Variants in SLC39A11 observed in about 807,000 individuals in gnomAD.
SLC39A11 encodes solute carrier family 39 member 11, also known as zinc transporter ZIP11.
A neutral mutation model predicts 36.1 loss-of-function variants in SLC39A11; 33 were observed. The ratio of observed to expected loss-of-function variants is 0.91; its 90% CI spans 0.69 to 1.22. SLC39A11 has a LOEUF of 1.22. Ranked by LOEUF, SLC39A11 falls within the 50% of genes most tolerant of loss-of-function variation. SLC39A11 has a pLI of 0.00. For missense variants in SLC39A11, 432 were observed against 430.3 expected, an observed-to-expected ratio of 1.00 and a Z score of -0.03; for synonymous variants, 166 against 170.3, an observed-to-expected ratio of 0.97 and a Z score of 0.20.
At chr17:72,699,276 TA>T (rs949964164) in intron 7 of SLC39A11, among the ~76,000 whole-genome samples, 1 of 152,190 alleles carries the variant, frequency 6.6e-6, no homozygotes, top group African/African-American at 2.4e-5. Flanking sequence ...TGAGCTAAAA[TA>T]AAAAAATTTT....
At chr17:73,053,817 A>G (rs946737674) in intron 3 of SLC39A11, among the ~76,000 whole-genome samples, 1 of 152,236 alleles carries the variant, frequency 6.6e-6, no homozygotes, top group Non-Finnish European at 1.5e-5. Flanking sequence ...GCATGACTGC[A>G]TCCTGAGATG....
chr17:72,857,803 T>G (rs1262689070), intron 5 of SLC39A11, among the ~76,000 whole-genome samples: 1 of 152,172 alleles, frequency 6.6e-6, no homozygotes, highest in Non-Finnish European at 1.5e-5. Flanking sequence ...AGTGTTCGTG[T>G]CCTCTGCTCA....
At chr17:72,857,904 A>G (rs1423233599) in intron 5 of SLC39A11, among the ~76,000 whole-genome samples, 2 of 151,816 alleles carry the variant, frequency 1.3e-5, no homozygotes, top group Admixed American at 6.6e-5. Flanking sequence ...GTTTGCAAAA[A>G]TTTTCTCCCA....
chr17:73,077,570 C>T (rs1599172677), intron 3 of SLC39A11, among the ~76,000 whole-genome samples: 4 of 152,164 alleles, frequency 2.6e-5, no homozygotes, highest in Admixed American at 1.3e-4. Flanking sequence ...TCAAGTGATC[C>T]GCCTGCCTCC....
intron 5 of SLC39A11, among the ~76,000 whole-genome samples, chr17:72,900,033 AGAAAGAGAGAGAGAAAG>A (rs1432831125): frequency 3.4e-5 from 5 of 146,254 alleles, no homozygotes; most frequent in African/African-American, 1.3e-4. Context: ...AGAGAGAGAG[AGAAAGAGAGAGAGAAAG>A]AGAAAGAAAG....
intron 6 of SLC39A11, among the ~76,000 whole-genome samples, chr17:72,768,535 A>C (rs553147705): frequency 6.6e-5 from 10 of 152,196 alleles, no homozygotes; most frequent in Admixed American, 1.3e-4. Context: ...CAACCATCCC[A>C]TGAGGGGCTG....
intron 4 of SLC39A11, among the ~76,000 whole-genome samples, chr17:72,968,716 CT>C (rs977623413): frequency 1.3e-4 from 20 of 152,166 alleles, no homozygotes; most frequent in African/African-American, 4.8e-4. Flanking sequence ...GTGTTGACTC[CT>C]GTGTAAGAAA....
At chr17:72,915,926 T>C (rs1414987071) in intron 5 of SLC39A11, among the ~76,000 whole-genome samples, 15 of 152,182 alleles carry the variant, frequency 9.9e-5, no homozygotes. Flanking sequence ...CACACAACCA[T>C]ATGCCAAAGT....
chr17:73,077,061 C>T (rs1000438967), intron 3 of SLC39A11, among the ~76,000 whole-genome samples: 1 of 152,044 alleles, frequency 6.6e-6, no homozygotes, highest in African/African-American at 2.4e-5. Flanking sequence ...AGAGTTACTG[C>T]CCCAGCCAAT....
At chr17:73,047,318 CCGGCAAGAA>C (rs1244209645) in intron 3 of SLC39A11, among the ~76,000 whole-genome samples, 1 of 152,070 alleles carries the variant, frequency 6.6e-6, no homozygotes, top group Non-Finnish European at 1.5e-5. Flanking sequence ...GCCACCGCGC[CCGGCAAGAA>C]GAACCACCTT....
chr17:73,068,788 G>GA, intron 3 of SLC39A11, among the ~76,000 whole-genome samples: 1 of 152,130 alleles, frequency 6.6e-6, no homozygotes, highest in Non-Finnish European at 1.5e-5. Flanking sequence ...TTTCACCTAA[G>GA]TGCAAGAACC....
At chr17:72,843,956 CAA>C (rs905270056) in intron 6 of SLC39A11, among the ~76,000 whole-genome samples, 83 of 150,730 alleles carry the variant, frequency 5.5e-4, no homozygotes, top group African/African-American at 1.9e-3. Context: ...CCTTCTACTC[CAA>C]AAAAAAATTT....
intron 7 of SLC39A11, among the ~76,000 whole-genome samples, chr17:72,691,185 A>T (rs1239955064): frequency 6.6e-6 from 1 of 152,198 alleles, no homozygotes. Context: ...CCCGAGGGTG[A>T]TTCAGAAGTG....
intron 5 of SLC39A11, among the ~76,000 whole-genome samples, chr17:72,917,979 T>A (rs539873966): frequency 6.6e-6 from 1 of 152,200 alleles, no homozygotes; most frequent in African/African-American, 2.4e-5. Flanking sequence ...CCTCACCTCA[T>A]CGGCACTGTT....
intron 4 of SLC39A11, among the ~76,000 whole-genome samples, chr17:72,957,582 G>T (rs1291036710): frequency 6.6e-6 from 1 of 152,260 alleles, no homozygotes; most frequent in East Asian, 1.9e-4. Context: ...ACTTTGGGAG[G>T]CCAAGGCAGA....
At chr17:72,734,000 G>T (rs148679197) in intron 7 of SLC39A11, among the ~76,000 whole-genome samples, 2 of 152,250 alleles carry the variant, frequency 1.3e-5, no homozygotes, top group Non-Finnish European at 2.9e-5. Flanking sequence ...GACCTGCTAT[G>T]AGTTGAGCAT....
At chr17:73,081,768 C>CAT (rs1599201920) in intron 3 of SLC39A11, among the ~76,000 whole-genome samples, 2 of 79,384 alleles carry the variant, frequency 2.5e-5, no homozygotes, top group East Asian at 3.1e-4. Flanking sequence ...TGGGTATATA[C>CAT]ATATATATAT....
chr17:72,694,139 T>C (rs1236159540), intron 7 of SLC39A11, among the ~76,000 whole-genome samples: 1 of 152,068 alleles, frequency 6.6e-6, no homozygotes, highest in Non-Finnish European at 1.5e-5. Flanking sequence ...GACACAGTCT[T>C]GGGGAAGTGG....
intron 4 of SLC39A11, among the ~76,000 whole-genome samples, chr17:72,997,714 C>G (rs747346212): frequency 2.0e-5 from 3 of 152,218 alleles, no homozygotes; most frequent in Non-Finnish European, 4.4e-5. Flanking sequence ...CTCACTCTGT[C>G]CTGCGCAGAA....
Sources: gnomAD v4.1 joint callset for allele counts (sites outside exome capture counted in the v4.1 genomes callset) on GRCh38, gnomAD v4.1.1 for gene constraint, MANE v1.5 for transcripts, NCBI Gene and HGNC (gene_info 2026-07-23, HGNC 2026-07-21) for gene names.